The following ASIC2 variants were observed in gnomAD, a reference collection of about 807,000 sequenced individuals.
ASIC2 encodes the protein acid sensing ion channel subunit 2, also known as acid-sensing ion channel 2.
In ASIC2, 25 loss-of-function variants were observed where a neutral mutation model predicts 57.3. The observed-to-expected ratio is 0.44, with a 90% CI of 0.32 to 0.61. The LOEUF (loss-of-function observed/expected upper bound fraction) is 0.61. Among genes scored for constraint, ASIC2 ranks in the 20% least tolerant of loss-of-function variants. The pLI, the probability that ASIC2 is intolerant of heterozygous loss-of-function variation, is 0.06. For synonymous variants in ASIC2, 319 were observed against 307.5 expected, an observed-to-expected ratio of 1.04 and a Z score of -0.39; for missense variants, 641 against 738.1, an observed-to-expected ratio of 0.87 and a Z score of 1.52.
chr17:33,832,114 C>T (rs1200756167), intron 1 of ASIC2, among the ~76,000 whole-genome samples: 1 of 152,232 alleles, frequency 6.6e-6, no homozygotes, highest in Non-Finnish European at 1.5e-5. Flanking sequence ...TACCAATACT[C>T]ATCTCTAGCC....
At chr17:33,299,483 GTTCC>G (rs1259489255) in intron 1 of ASIC2, among the ~76,000 whole-genome samples, 1 of 151,890 alleles carries the variant, frequency 6.6e-6, no homozygotes, top group Non-Finnish European at 1.5e-5. Context: ...TGGAGTTGTT[GTTCC>G]TTCCTTCCTT....
At chr17:34,111,586 C>T (rs1435908904) in intron 1 of ASIC2, among the ~76,000 whole-genome samples, 1 of 152,124 alleles carries the variant, frequency 6.6e-6, no homozygotes, top group Non-Finnish European at 1.5e-5. Flanking sequence ...TTCTGCAAGT[C>T]AAGCCTTTGA....
At chr17:33,259,795 C>T (rs1416271315) in intron 1 of ASIC2, among the ~76,000 whole-genome samples, 1 of 152,162 alleles carries the variant, frequency 6.6e-6, no homozygotes, top group African/African-American at 2.4e-5. Flanking sequence ...ATTCACATCA[C>T]CTGGGAATAC....
At chr17:33,423,113 G>A (rs1336717157) in intron 1 of ASIC2, among the ~76,000 whole-genome samples, 2 of 152,156 alleles carry the variant, frequency 1.3e-5, no homozygotes, top group Admixed American at 6.5e-5. Context: ...CATGGATGTT[G>A]TGATGCATGT....
intron 1 of ASIC2, among the ~76,000 whole-genome samples, chr17:34,099,110 G>A (rs1016303603): frequency 3.7e-3 from 91 of 24,374 alleles, no homozygotes; most frequent in African/African-American, 0.012. Context: ...AAAAGAGAGA[G>A]AGAGAGAGAG....
intron 1 of ASIC2, among the ~76,000 whole-genome samples, chr17:33,316,967 C>T (rs1011859805): frequency 6.6e-6 from 1 of 152,212 alleles, no homozygotes. Context: ...CCTTTAATCA[C>T]GCCCTGCACA....
chr17:33,143,971 T>G (rs181151532), intron 1 of ASIC2, among the ~76,000 whole-genome samples: 70 of 152,250 alleles, frequency 4.6e-4, no homozygotes, highest in African/African-American at 1.6e-3. Context: ...TGGTATAATA[T>G]GGTCCCACTT....
intron 1 of ASIC2, among the ~76,000 whole-genome samples, chr17:33,808,917 T>C (rs903036307): frequency 2.6e-5 from 4 of 152,228 alleles, no homozygotes; most frequent in Non-Finnish European, 4.4e-5. Context: ...ACTGCTCAGA[T>C]TGTGAATCAG....
At chr17:33,448,467 T>C (rs1912121942) in intron 1 of ASIC2, among the ~76,000 whole-genome samples, 1 of 152,198 alleles carries the variant, frequency 6.6e-6, no homozygotes, top group African/African-American at 2.4e-5. Context: ...TTAGATTCCA[T>C]CATAAGTGTC....
chr17:34,037,125 T>C (rs893116137), intron 1 of ASIC2: 3 of 152,934 alleles, frequency 2.0e-5, no homozygotes, highest in African/African-American at 7.2e-5. Context: ...GCAACTTTTT[T>C]CCTCCGAAGT....
chr17:33,150,524 T>C (rs1271128405), intron 1 of ASIC2, among the ~76,000 whole-genome samples: 1 of 152,202 alleles, frequency 6.6e-6, no homozygotes, highest in Non-Finnish European at 1.5e-5. Flanking sequence ...GGTCTTATTA[T>C]TGATAAGCAA....
intron 1 of ASIC2, among the ~76,000 whole-genome samples, chr17:34,130,922 G>C (rs957373): frequency 0.32 from 49,347 of 152,158 alleles, 8,909 homozygotes; most frequent in Middle Eastern, 0.46. Flanking sequence ...TCAATGGACA[G>C]AGAACAAGTA....
intron 1 of ASIC2, among the ~76,000 whole-genome samples, chr17:33,226,179 TTTGTTATTGGTTTGTTAC>T (rs1381436116): frequency 2.0e-5 from 3 of 152,182 alleles, no homozygotes; most frequent in South Asian, 4.2e-4. Context: ...ACCCAATTGG[TTTGTTATTGGTTTGTTAC>T]TTGTTATTGG....
Position 34,156,207 on chromosome 17 carries a change from T to C in ASIC2, c.326A>G (p.His109Arg). 6.2e-7 allele frequency: 1 copy of C among 1,614,112 alleles called. No individual in the cohort carries two copies. Among genetic ancestry groups the C allele is most frequent in the Non-Finnish European group, 8.5e-7 (1 of 1,180,012 alleles). The change falls in exon 1 of 10, where the codon CAT becomes CGT. Residue 109 changes from histidine (H) to arginine (R), a missense_variant. By Grantham distance (29) the His-to-Arg change is conservative. Transcript: ENST00000359872. The surrounding 1 kb of genome is among the most constrained non-coding windows in gnomAD (Gnocchi z 4.4). ...CAGCAGGGCCAGCAGCTCCCCAGCA[T>C]GGTACAGGTCATTGGTGGTGAGCCT...
intron 1 of ASIC2, among the ~76,000 whole-genome samples, chr17:33,731,730 G>A (rs1289481822): frequency 6.6e-6 from 1 of 152,176 alleles, no homozygotes; most frequent in Non-Finnish European, 1.5e-5. Flanking sequence ...CTCAGCTTAG[G>A]CCCTTTCCTC....
intron 3 of ASIC2, among the ~76,000 whole-genome samples, chr17:33,069,120 T>C (rs1230289020): frequency 6.6e-6 from 1 of 152,226 alleles, no homozygotes; most frequent in Non-Finnish European, 1.5e-5. Context: ...GTGTGTTATT[T>C]TGCTTCTGAA....
intron 1 of ASIC2, among the ~76,000 whole-genome samples, chr17:33,363,607 A>T (rs529977200): frequency 6.6e-6 from 1 of 152,352 alleles, no homozygotes; most frequent in Non-Finnish European, 1.5e-5. Context: ...ACTGAACACC[A>T]GTGCGCATGT....
At chr17:33,883,056 C>T (rs925639178) in intron 1 of ASIC2, among the ~76,000 whole-genome samples, 3 of 151,780 alleles carry the variant, frequency 2.0e-5, no homozygotes, top group African/African-American at 7.3e-5. Flanking sequence ...GGGAACTGAA[C>T]AATGAGAACA....
chr17:34,092,584 C>T (rs987969734), intron 1 of ASIC2, among the ~76,000 whole-genome samples: 4 of 152,176 alleles, frequency 2.6e-5, no homozygotes, highest in Non-Finnish European at 4.4e-5. Flanking sequence ...AAGAGACTCA[C>T]GTGTGATGCC....
Sources: gnomAD v4.1 joint callset for allele counts (sites outside exome capture counted in the v4.1 genomes callset) on GRCh38, gnomAD v4.1.1 for gene constraint, Gnocchi (gnomAD v3.1) non-coding constraint, MANE v1.5 for transcripts, NCBI Gene and HGNC (gene_info 2026-07-23, HGNC 2026-07-21) for gene names.